The following TRAPPC9 variants were observed in gnomAD, a reference collection of about 807,000 sequenced individuals.
The protein encoded by TRAPPC9 is trafficking protein particle complex subunit 9.
A neutral mutation model predicts 124.0 loss-of-function variants in TRAPPC9; 83 were observed. The ratio of observed to expected loss-of-function variants is 0.67; its 90% CI spans 0.56 to 0.80. TRAPPC9 has a LOEUF of 0.80. Ranked by LOEUF, TRAPPC9 falls within the 30% of genes least tolerant of loss-of-function variation. TRAPPC9 has a pLI of 0.00. For missense variants in TRAPPC9, 1,302 were observed against 1,508.3 expected (o/e 0.86, Z 2.27); for synonymous variants, 638 against 617.5 (o/e 1.03, Z -0.49).
At chr8:140,184,891 C>T (rs1033015793) in intron 17 of TRAPPC9, among the ~76,000 whole-genome samples, 3 of 152,166 alleles carry the variant, frequency 2.0e-5, no homozygotes, top group African/African-American at 4.8e-5. Context: ...GCTCTGTCAC[C>T]GAGCCCATCC....
intron 17 of TRAPPC9, among the ~76,000 whole-genome samples, chr8:140,110,199 C>A (rs1164244614): frequency 6.7e-6 from 1 of 150,300 alleles, no homozygotes; most frequent in African/African-American, 2.5e-5. Context: ...AGCAGCTCCC[C>A]CATGCACCCC....
At chr8:139,939,405 G>A (rs1307976648) in intron 19 of TRAPPC9, among the ~76,000 whole-genome samples, 1 of 152,212 alleles carries the variant, frequency 6.6e-6, no homozygotes, top group Non-Finnish European at 1.5e-5. Context: ...GGCAGCCCCT[G>A]GCGAGTGAGG....
intron 16 of TRAPPC9, among the ~76,000 whole-genome samples, chr8:140,236,079 C>CTTT (rs765201850): frequency 6.6e-4 from 74 of 111,702 alleles, no homozygotes; most frequent in Non-Finnish European, 8.3e-4. Context: ...ACTGTATTTC[C>CTTT]TTTTTTTTTT....
rs183977490 is a variant in TRAPPC9 at position 139,819,316 on chromosome 8, G to A, written c.3055+66563C>T. On this transcript the variant is annotated intron_variant, in intron 21 of 22. Coordinates refer to ENST00000438773, the MANE Select transcript of TRAPPC9 (RefSeq NM_001160372.4). Reference sequence around the variant, plus strand: ...TCCCACTGATACTACATTATGGTGAGTTATATAATTATTTCATTATATATT... The same window carrying A: ...TCCCACTGATACTACATTATGGTGAATTATATAATTATTTCATTATATATT... Among the ~76,000 whole-genome samples the A allele has an allele frequency of 3.1e-3, 468 of 152,260 alleles. 4 individuals are homozygous for A. Among genetic ancestry groups the A allele is most frequent in the African/African-American group, 0.011 (445 of 41,558 alleles).
At chr8:140,263,893 A>G (rs993174470) in intron 15 of TRAPPC9, among the ~76,000 whole-genome samples, 12 of 152,158 alleles carry the variant, frequency 7.9e-5, no homozygotes, top group Non-Finnish European at 1.6e-4. Context: ...CCTCAGCTCC[A>G]TCTCTACCTC....
intron 17 of TRAPPC9, among the ~76,000 whole-genome samples, chr8:140,168,417 TC>T (rs1403733143): frequency 2.6e-5 from 4 of 152,138 alleles, no homozygotes; most frequent in Non-Finnish European, 1.5e-5. Flanking sequence ...ATGCCCCTTC[TC>T]CCCACCCAGG....
intron 21 of TRAPPC9, among the ~76,000 whole-genome samples, chr8:139,798,490 G>A (rs1008213666): frequency 5.8e-4 from 89 of 152,210 alleles, no homozygotes; most frequent in Admixed American, 5.7e-3. Flanking sequence ...GAGAAGACGG[G>A]GACCTGAGCA....
chr8:139,937,516 G>A (rs1204979776), intron 19 of TRAPPC9, among the ~76,000 whole-genome samples: 1 of 152,192 alleles, frequency 6.6e-6, no homozygotes, highest in African/African-American at 2.4e-5. Context: ...GGCTTCAGGA[G>A]CAGGCGGAGG....
At chr8:139,835,915 T>TTA (rs1022329087) in intron 21 of TRAPPC9, among the ~76,000 whole-genome samples, 1 of 152,182 alleles carries the variant, frequency 6.6e-6, no homozygotes, top group Admixed American at 6.5e-5. Flanking sequence ...TTTGGACAGG[T>TTA]TATATATATC....
At chr8:140,341,913 C>T (rs1397804943) in intron 9 of TRAPPC9, among the ~76,000 whole-genome samples, 1 of 152,246 alleles carries the variant, frequency 6.6e-6, no homozygotes, top group Non-Finnish European at 1.5e-5. Flanking sequence ...AAGAGCAGTG[C>T]ACAATGTGTG....
intron 21 of TRAPPC9, among the ~76,000 whole-genome samples, chr8:139,787,661 A>T (rs977196749): frequency 6.6e-5 from 10 of 152,208 alleles, no homozygotes; most frequent in African/African-American, 2.4e-4. Flanking sequence ...AAAACTGGCG[A>T]CTATTAACTT....
At chr8:140,329,335 T>C (rs558720046) in intron 9 of TRAPPC9, among the ~76,000 whole-genome samples, 2 of 152,326 alleles carry the variant, frequency 1.3e-5, no homozygotes, top group African/African-American at 4.8e-5. Flanking sequence ...AGTGGTCATT[T>C]GTGACCTTCA....
chr8:140,371,240 C>A, intron 7 of TRAPPC9, 60 bp from the exon 8 acceptor site: 3 of 1,459,862 alleles, frequency 2.1e-6, no homozygotes, highest in Non-Finnish European at 2.8e-6. Flanking sequence ...AAAAAAGAAG[C>A]ACACATTAAA....
chr8:139,791,668 G>T (rs1446425774), intron 21 of TRAPPC9, among the ~76,000 whole-genome samples: 12 of 152,236 alleles, frequency 7.9e-5, no homozygotes, highest in Admixed American at 7.2e-4. Flanking sequence ...GCCCCTTCTA[G>T]CCTGGATGTT....
At chr8:139,740,130 C>T (rs894743969) in intron 21 of TRAPPC9, among the ~76,000 whole-genome samples, 1 of 152,236 alleles carries the variant, frequency 6.6e-6, no homozygotes, top group Non-Finnish European at 1.5e-5. Flanking sequence ...TGCAGGAGAA[C>T]CTCATGTTGT....
intron 17 of TRAPPC9, among the ~76,000 whole-genome samples, chr8:140,068,939 G>A (rs1314551509): frequency 1.3e-5 from 2 of 152,006 alleles, no homozygotes; most frequent in African/African-American, 4.8e-5. Flanking sequence ...AATATATAGG[G>A]GATAAAAAAA....
At chr8:140,204,472 G>C (rs548667417) in intron 17 of TRAPPC9, among the ~76,000 whole-genome samples, 1 of 119,760 alleles carries the variant, frequency 8.4e-6, no homozygotes, top group Non-Finnish European at 1.6e-5. Flanking sequence ...GGGGGCTGTC[G>C]TTGGGTGGGG....
At chr8:140,279,658 G>C (rs4076600) in intron 14 of TRAPPC9, among the ~76,000 whole-genome samples, 48,691 of 152,018 alleles carry the variant, frequency 0.32, 8,466 homozygotes, top group African/African-American at 0.43. Context: ...CTTGTTGAGA[G>C]GTAGCAGGTA....
At chr8:139,971,901 G>A (rs552314414) in intron 19 of TRAPPC9, among the ~76,000 whole-genome samples, 178 of 151,620 alleles carry the variant, frequency 1.2e-3, no homozygotes, top group African/African-American at 3.5e-3. Context: ...GGCTCACTGC[G>A]ACGTCCACCT....
Sources: gnomAD v4.1 joint callset for allele counts (sites outside exome capture counted in the v4.1 genomes callset) on GRCh38, gnomAD v4.1.1 for gene constraint, MANE v1.5 for transcripts, NCBI Gene and HGNC (gene_info 2026-07-23, HGNC 2026-07-21) for gene names.